Variants in MECOM observed in about 807,000 individuals in gnomAD.
MECOM encodes histone-lysine N-methyltransferase MECOM.
MECOM carries 13 observed loss-of-function variants against 116.3 expected under a neutral mutation model. The ratio of observed to expected loss-of-function variants is 0.11; its 90% CI spans 0.07 to 0.18. The LOEUF (loss-of-function observed/expected upper bound fraction) is 0.18, where lower values mean the gene tolerates loss of function less well. Among genes scored for constraint, MECOM ranks in the 10% least tolerant of loss-of-function variants. The pLI, the probability that MECOM is intolerant of heterozygous loss-of-function variation, is 1.00. For missense variants in MECOM, 1,299 were observed against 1,509.0 expected, an observed-to-expected ratio of 0.86 and a Z score of 2.31; for synonymous variants, 528 against 535.2, an observed-to-expected ratio of 0.99 and a Z score of 0.19.
chr3:169,100,154 A>G (rs1244981511), intron 12 of MECOM, among the ~76,000 whole-genome samples: 1 of 127,942 alleles, frequency 7.8e-6, no homozygotes, highest in Non-Finnish European at 1.5e-5. Context: ...GCTGGAGTGC[A>G]GTGGTGCAAT....
intron 2 of MECOM, chr3:169,144,894 A>G: frequency 1.2e-6 from 1 of 861,208 alleles, no homozygotes; most frequent in Non-Finnish European, 1.9e-6. Context: ...TGTATGCATA[A>G]CCACATAAAA....
At chr3:169,364,912 C>T (rs1321574174) in intron 2 of MECOM, among the ~76,000 whole-genome samples, 2 of 151,980 alleles carry the variant, frequency 1.3e-5, no homozygotes, top group Non-Finnish European at 2.9e-5. Context: ...ATCTTTGATT[C>T]CTGGCTTGCA....
rs78180169 is a variant in MECOM, at chr3:169,469,491, T to C, written c.38-87967A>G. ...TCAAAACTACTACCTATCACCCCTG[T>C]TTTAGCATCAGCTAAATATAGCTGC... On this transcript the variant is annotated intron_variant, in intron 1 of 16. Transcript: ENST00000651503. 2.3e-3 allele frequency among the ~76,000 whole-genome samples: 354 copies of C among 152,336 alleles called. 6 individuals carry two copies. In the East Asian group the frequency reaches 0.051, roughly 22 times the overall value.
intron 1 of MECOM, among the ~76,000 whole-genome samples, chr3:169,484,597 A>G (rs372531146): frequency 6.6e-6 from 1 of 152,240 alleles, no homozygotes; most frequent in Non-Finnish European, 1.5e-5. Flanking sequence ...GAAATTTTAA[A>G]GAAAATTTAT....
At chr3:169,367,349 A>ATTTTTT (rs3980666) in intron 2 of MECOM, among the ~76,000 whole-genome samples, 4 of 150,420 alleles carry the variant, frequency 2.7e-5, no homozygotes, top group African/African-American at 9.7e-5. Flanking sequence ...TTGGTTTTTA[A>ATTTTTT]TTTTTTTTTT....
chr3:169,475,561 A>G (rs1361365863), intron 1 of MECOM, among the ~76,000 whole-genome samples: 1 of 152,048 alleles, frequency 6.6e-6, no homozygotes, highest in Non-Finnish European at 1.5e-5. Flanking sequence ...CACATTAAAA[A>G]TAGTGACTAA....
At chr3:169,180,721 A>G (rs1288674720) in intron 2 of MECOM, among the ~76,000 whole-genome samples, 1 of 149,046 alleles carries the variant, frequency 6.7e-6, no homozygotes, top group Non-Finnish European at 1.5e-5. Context: ...CTTATTGTAT[A>G]TCTCAAAAAG....
At chr3:169,105,270 G>A (rs56133314) in intron 10 of MECOM, among the ~76,000 whole-genome samples, 9,581 of 152,164 alleles carry the variant, frequency 0.063, 443 homozygotes, top group South Asian at 0.2. Flanking sequence ...GCTAGTTGGG[G>A]TAACTTGGCA....
At chr3:169,540,084 G>A (rs1759887673) in intron 1 of MECOM, among the ~76,000 whole-genome samples, 1 of 152,016 alleles carries the variant, frequency 6.6e-6, no homozygotes, top group African/African-American at 2.4e-5. Context: ...CTCTTCCTGT[G>A]CCAAGGACTC....
intron 1 of MECOM, among the ~76,000 whole-genome samples, chr3:169,523,742 T>C (rs1340620228): frequency 1.3e-5 from 2 of 151,990 alleles, no homozygotes; most frequent in East Asian, 3.9e-4. Context: ...TTAAATTTGA[T>C]TCTTCAATAA....
At chr3:169,636,710 G>C (rs1895031) in intron 1 of MECOM, among the ~76,000 whole-genome samples, 49,229 of 151,990 alleles carry the variant, frequency 0.32, 8,614 homozygotes, top group African/African-American at 0.46. Flanking sequence ...GATCTCTTGG[G>C]TTCAGTTTCC....
intron 1 of MECOM, among the ~76,000 whole-genome samples, chr3:169,629,070 C>A (rs1771749787): frequency 6.6e-6 from 1 of 151,610 alleles, no homozygotes; most frequent in Non-Finnish European, 1.5e-5. Context: ...GAACACCATC[C>A]CATCCCATCC....
chr3:169,582,907 T>C (rs1035468312), intron 1 of MECOM, among the ~76,000 whole-genome samples: 4 of 152,230 alleles, frequency 2.6e-5, no homozygotes, highest in South Asian at 2.1e-4. Context: ...TTTGTTTTGC[T>C]TACTGGTATA....
rs58350630 is a variant in MECOM, at chr3:169,161,781, GTCTCTCTC to G, written c.376-17957_376-17950del. Among the ~76,000 whole-genome samples the G allele has an allele frequency of 3.3e-5, 5 of 150,262 alleles. No individual in the cohort carries two copies. In the South Asian group the frequency reaches 6.3e-4, roughly 19 times the overall value. ...TGAAATTTGATTATAAAAAAGAAGA[GTCTCTCTC>G]TCTCTCTCTCTCCCTGTCATTCATG... is the stretch of plus-strand genomic sequence containing the variant. On this transcript the variant is annotated intron_variant, in intron 2 of 16. Transcript: ENST00000651503.
chr3:169,461,891 C>T (rs1490902578), intron 1 of MECOM, among the ~76,000 whole-genome samples: 2 of 152,074 alleles, frequency 1.3e-5, no homozygotes, highest in Non-Finnish European at 2.9e-5. Flanking sequence ...TGGTTTCATG[C>T]CATGCTTTTT....
At chr3:169,240,997 T>G (rs547655003) in intron 2 of MECOM, among the ~76,000 whole-genome samples, 26 of 152,316 alleles carry the variant, frequency 1.7e-4, no homozygotes, top group African/African-American at 6.3e-4. Flanking sequence ...GGTGTTGCAC[T>G]AAATAAAGTA....
At chr3:169,395,239 G>A (rs969300868) in intron 1 of MECOM, among the ~76,000 whole-genome samples, 5 of 152,214 alleles carry the variant, frequency 3.3e-5, no homozygotes, top group Admixed American at 6.5e-5. Flanking sequence ...TTTCACTGCC[G>A]AATCCCCAGG....
chr3:169,154,856 C>T (rs1451260471), intron 2 of MECOM, among the ~76,000 whole-genome samples: 1 of 152,144 alleles, frequency 6.6e-6, no homozygotes, highest in Non-Finnish European at 1.5e-5. Flanking sequence ...AAAATCTTAT[C>T]TATACTTCTA....
At position 169,112,777 on chromosome 3, in the gene MECOM, A is replaced by G. The variant is rs1727854665; in HGVS notation, c.2577+10T>C. 1 of 1,605,996 alleles carries G rather than the reference A, an allele frequency of 6.2e-7. No individual in the cohort carries two copies. The highest frequency in any genetic ancestry group is 8.5e-7 in the Non-Finnish European group (1 of 1,174,706). On this transcript the variant is annotated intron_variant, in intron 9 of 16. Coordinates refer to ENST00000651503, the MANE Select transcript of MECOM (RefSeq NM_004991.4). ...TTACAAGCTGGAAATCTCAAATCCA[A>G]AATACTTACTTGTGGGTGAAACAAG...
Sources: gnomAD v4.1 joint callset for allele counts (sites outside exome capture counted in the v4.1 genomes callset) on GRCh38, gnomAD v4.1.1 for gene constraint, MANE v1.5 for transcripts, NCBI Gene and HGNC (gene_info 2026-07-23, HGNC 2026-07-21) for gene names.